Variants in CABLES1 observed in about 807,000 individuals in gnomAD.
The protein encoded by CABLES1 is Cdk5 and Abl enzyme substrate 1.
A neutral mutation model predicts 57.8 loss-of-function variants in CABLES1; 36 were observed. That is an observed-to-expected ratio of 0.62 (90% CI 0.48 to 0.82). The LOEUF is 0.82. Ranked by LOEUF, CABLES1 falls within the 40% of genes least tolerant of loss-of-function variation. The probability of loss-of-function intolerance (pLI) is 0.00; values close to 1 mark genes in which losing one functional copy is unlikely to be tolerated. For synonymous variants in CABLES1, 374 were observed against 363.0 expected (o/e 1.03, Z -0.35); for missense variants, 767 against 836.6 (o/e 0.92, Z 1.03).
chr18:23,224,479 G>A (rs2047512550), intron 4 of CABLES1, among the ~76,000 whole-genome samples: 1 of 148,674 alleles, frequency 6.7e-6, no homozygotes, highest in South Asian at 2.2e-4. Flanking sequence ...GAATGAAATA[G>A]TAAATGAAAT....
chr18:23,220,297 T>G (rs2047477058), intron 4 of CABLES1, among the ~76,000 whole-genome samples: 1 of 152,180 alleles, frequency 6.6e-6, no homozygotes, highest in South Asian at 2.1e-4. Context: ...TGAATAGTGC[T>G]TACAGTGTAT....
At chr18:23,239,613 A>G (rs1221937178) in intron 7 of CABLES1, among the ~76,000 whole-genome samples, 2 of 152,116 alleles carry the variant, frequency 1.3e-5, no homozygotes, top group South Asian at 2.1e-4. Flanking sequence ...TGTTTGCTTT[A>G]TTTTTGTGTG....
At chr18:23,233,712 CTGAA>C (rs1362815575) in intron 4 of CABLES1, among the ~76,000 whole-genome samples, 2 of 152,054 alleles carry the variant, frequency 1.3e-5, no homozygotes, top group Admixed American at 1.3e-4. Flanking sequence ...GGCTTCATCC[CTGAA>C]TGAATGAATG....
rs193000059 is a variant in CABLES1, at chr18:23,246,953, A to G, written c.1447-6007A>G. Among the ~76,000 whole-genome samples the G allele has an allele frequency of 2.6e-5, 4 of 152,334 alleles. No homozygotes were observed. The East Asian group carries it at 7.7e-4, about 29-fold the overall frequency. Reference sequence around the variant, plus strand: ...AGTGATCTGCCTGCCTCAGCCTCCTAAAGTGCTGGGGTTACAGGTAAGAGC... The same window carrying G: ...AGTGATCTGCCTGCCTCAGCCTCCTGAAGTGCTGGGGTTACAGGTAAGAGC... On this transcript the variant is annotated intron_variant, in intron 7 of 9. Coordinates refer to ENST00000256925, the MANE Select transcript of CABLES1 (RefSeq NM_001100619.3).
intron 2 of CABLES1, among the ~76,000 whole-genome samples, chr18:23,189,938 G>A (rs1164229721): frequency 6.6e-6 from 1 of 152,250 alleles, no homozygotes; most frequent in Non-Finnish European, 1.5e-5. Flanking sequence ...TCCGGCAACT[G>A]TGAACTTTGT....
At chr18:23,230,632 T>G (rs1352399198) in intron 4 of CABLES1, among the ~76,000 whole-genome samples, 2 of 152,182 alleles carry the variant, frequency 1.3e-5, no homozygotes, top group African/African-American at 4.8e-5. Context: ...CAGCGAAGTT[T>G]TGAAGTGTGA....
chr18:23,165,269 TA>T (rs1182600970), intron 1 of CABLES1, among the ~76,000 whole-genome samples: 1 of 152,112 alleles, frequency 6.6e-6, no homozygotes, highest in Non-Finnish European at 1.5e-5. Flanking sequence ...TTTAATTTTT[TA>T]TTTTTTTATA....
chr18:23,236,152 G>C (rs538359845), intron 6 of CABLES1, 101 bp downstream of exon 6: 2 of 1,285,010 alleles, frequency 1.6e-6, no homozygotes, highest in East Asian at 4.7e-5. Flanking sequence ...GGAAGACAGG[G>C]GCTCGCAGGT....
chr18:23,252,524 A>G lies in CABLES1; in HGVS notation c.1447-436A>G, dbSNP rs144235728. On this transcript the variant is annotated intron_variant, in intron 7 of 9. Coordinates refer to ENST00000256925, the MANE Select transcript of CABLES1 (RefSeq NM_001100619.3). ...GGCACTGTTACTGTTTTTTGTTTAC[A>G]GACATGGGACTTGAGATTTGGGGTG... 6.2e-3 allele frequency among the ~76,000 whole-genome samples: 939 copies of G among 152,336 alleles called. 9 individuals carry two copies. Among genetic ancestry groups the G allele is most frequent in the African/African-American group, 0.021 (889 of 41,576 alleles).
At chr18:23,223,480 AG>A (rs1336474076) in intron 4 of CABLES1, among the ~76,000 whole-genome samples, 4 of 150,464 alleles carry the variant, frequency 2.7e-5, no homozygotes, top group Admixed American at 6.7e-5. Context: ...CGGGAGGCTG[AG>A]GCAGGAGAAT....
At chr18:23,159,602 G>T (rs1335819515) in intron 1 of CABLES1, among the ~76,000 whole-genome samples, 1 of 152,136 alleles carries the variant, frequency 6.6e-6, no homozygotes, top group Non-Finnish European at 1.5e-5. Flanking sequence ...TGTCTGTGTT[G>T]ATTCTGCCCG....
chr18:23,214,143 G>C lies in CABLES1; in HGVS notation c.1088+89G>C, dbSNP rs545351122. 5 of 881,578 alleles carry C rather than the reference G, an allele frequency of 5.7e-6. No individual in the cohort carries two copies. The African/African-American group carries it at 6.7e-5, about 12-fold the overall frequency. The allele number at this position is 881,578 out of a possible 1,614,324, so 54.6% of individuals were successfully genotyped here. ...ATGTGGCCATCCTTTCCATTTTCAA[G>C]AAGTTGCCTTGCTTTGATACTGCAA... On this transcript the variant is annotated intron_variant, in intron 4 of 9. Transcript: ENST00000256925.
intron 4 of CABLES1, among the ~76,000 whole-genome samples, chr18:23,218,170 T>C (rs991657073): frequency 6.6e-6 from 1 of 152,240 alleles, no homozygotes; most frequent in Admixed American, 6.5e-5. Flanking sequence ...CTCCTTCCCA[T>C]GGAAAGCATC....
At chr18:23,185,840 A>C (rs1433776617) in intron 1 of CABLES1, among the ~76,000 whole-genome samples, 7 of 152,226 alleles carry the variant, frequency 4.6e-5, no homozygotes, top group Non-Finnish European at 2.9e-5. Flanking sequence ...TTGGATGTGC[A>C]TACTTAATTT....
At chr18:23,184,275 A>T (rs896158603) in intron 1 of CABLES1, among the ~76,000 whole-genome samples, 1 of 151,634 alleles carries the variant, frequency 6.6e-6, no homozygotes, top group Admixed American at 6.6e-5. Context: ...AGAAGTGCCC[A>T]TGCGTGCTAA....
intron 1 of CABLES1, among the ~76,000 whole-genome samples, chr18:23,186,329 C>T (rs1472459132): frequency 6.6e-6 from 1 of 152,156 alleles, no homozygotes; most frequent in Non-Finnish European, 1.5e-5. Flanking sequence ...CCTGGGACTT[C>T]ACATGTGTCC....
chr18:23,155,862 A>G, intron 1 of CABLES1: 1 of 1,613,252 alleles, frequency 6.2e-7, no homozygotes, highest in Non-Finnish European at 8.5e-7. Flanking sequence ...GACTCATAAA[A>G]TGAGTTTGGA....
At chr18:23,203,991 C>T (rs1330792026) in intron 3 of CABLES1, among the ~76,000 whole-genome samples, 1 of 152,184 alleles carries the variant, frequency 6.6e-6, no homozygotes, top group African/African-American at 2.4e-5. Flanking sequence ...AACAAAACCC[C>T]AGTCTAGGAG....
In CABLES1 at chr18:23,136,401, C is replaced by T; in HGVS notation, c.639C>T (p.Ala213=). 6.3e-7 allele frequency: 1 copy of T among 1,593,342 alleles called. No individual in the cohort carries two copies. Among genetic ancestry groups the T allele is most frequent in the Non-Finnish European group, 8.5e-7 (1 of 1,171,512 alleles). Residue 213 remains alanine (A), a synonymous_variant, in exon 1 of 10, where the codon GCC becomes GCT. Transcript: ENST00000256925. ...AGQEELEEDD[A]FISVQVPAAA... ...AGGAGGAGTTGGAGGAGGACGATGC[C>T]TTTATCAGCGTGCAGGTGCCGGCGG...
Sources: gnomAD v4.1 joint callset for allele counts (sites outside exome capture counted in the v4.1 genomes callset) on GRCh38, gnomAD v4.1.1 for gene constraint, MANE v1.5 for transcripts, NCBI Gene and HGNC (gene_info 2026-07-23, HGNC 2026-07-21) for gene names.